The following WWOX variants were observed in gnomAD, a reference collection of about 807,000 sequenced individuals.
WWOX encodes WW domain-containing oxidoreductase.
A neutral mutation model predicts 46.2 loss-of-function variants in WWOX; 69 were observed. That is an observed-to-expected ratio of 1.49 (90% confidence interval 1.23 to 1.82). The LOEUF (loss-of-function observed/expected upper bound fraction) is 1.82. Among genes scored for constraint, WWOX ranks in the 40% most tolerant of loss-of-function variants. WWOX has a pLI of 0.00. For synonymous variants in WWOX, 359 were observed against 202.6 expected (o/e 1.77, Z -6.56); for missense variants, 919 against 542.6 (o/e 1.69, Z -6.89).
chr16:78,411,131 T>G (rs2082670745), intron 6 of WWOX, among the ~76,000 whole-genome samples: 1 of 152,164 alleles, frequency 6.6e-6, no homozygotes, highest in South Asian at 2.1e-4. Context: ...TATATTCTGT[T>G]AGTTAGAAAC....
chr16:78,881,860 T>A (rs1247705446), intron 8 of WWOX, among the ~76,000 whole-genome samples: 2 of 152,216 alleles, frequency 1.3e-5, no homozygotes, highest in Non-Finnish European at 2.9e-5. Context: ...CGGTGGCTCA[T>A]GCCTGTAATC....
chr16:78,455,492 T>G (rs547266163), intron 8 of WWOX, among the ~76,000 whole-genome samples: 3 of 151,388 alleles, frequency 2.0e-5, no homozygotes, highest in African/African-American at 7.3e-5. Context: ...AACACAAAAA[T>G]TAGCTGGGTG....
chr16:78,872,017 G>A (rs2044139754), intron 8 of WWOX, among the ~76,000 whole-genome samples: 1 of 152,200 alleles, frequency 6.6e-6, no homozygotes, highest in Admixed American at 6.5e-5. Flanking sequence ...GCCAACTGGA[G>A]AGAAATCTCT....
chr16:78,467,558 T>C (rs1046420447), intron 8 of WWOX, among the ~76,000 whole-genome samples: 1 of 152,242 alleles, frequency 6.6e-6, no homozygotes, highest in African/African-American at 2.4e-5. Flanking sequence ...GTCTCTTGAA[T>C]GGTCTTTTGT....
chr16:78,355,775 G>C (rs879149680), intron 5 of WWOX: 1 of 703,190 alleles, frequency 1.4e-6, no homozygotes. Context: ...GAATATTCCA[G>C]TGTTCTTTCT....
At chr16:78,727,112 G>C (rs964186819) in intron 8 of WWOX, among the ~76,000 whole-genome samples, 13 of 152,172 alleles carry the variant, frequency 8.5e-5, no homozygotes, top group African/African-American at 2.4e-4. Flanking sequence ...TGAAAAATGA[G>C]GCCCAGTGGG....
At chr16:78,568,095 G>T (rs1378145228) in intron 8 of WWOX, among the ~76,000 whole-genome samples, 1 of 152,164 alleles carries the variant, frequency 6.6e-6, no homozygotes, top group Non-Finnish European at 1.5e-5. Context: ...GAACGCCGTC[G>T]TAAAAATCCG....
intron 8 of WWOX, among the ~76,000 whole-genome samples, chr16:78,776,152 A>C (rs989385360): frequency 1.3e-5 from 2 of 152,198 alleles, no homozygotes; most frequent in African/African-American, 4.8e-5. Flanking sequence ...GGCTTGGGCT[A>C]AAAAAATGAT....
chr16:78,917,755 A>G (rs1169067780), intron 8 of WWOX, among the ~76,000 whole-genome samples: 2 of 152,076 alleles, frequency 1.3e-5, no homozygotes, highest in African/African-American at 4.8e-5. Context: ...ACCATATGTC[A>G]TAAGGTCTAT....
chr16:78,631,587 C>G (rs1387698382), intron 8 of WWOX, among the ~76,000 whole-genome samples: 2 of 142,870 alleles, frequency 1.4e-5, no homozygotes, highest in Non-Finnish European at 3.0e-5. Context: ...CACCCAGGGT[C>G]TAGCACAGTG....
chr16:78,600,168 A>G (rs2045587598), intron 8 of WWOX, among the ~76,000 whole-genome samples: 1 of 152,122 alleles, frequency 6.6e-6, no homozygotes, highest in Admixed American at 6.5e-5. Flanking sequence ...AGTAAAGCAC[A>G]GGAAAGACTT....
At chr16:78,362,312 A>T (rs1006365043) in intron 5 of WWOX, among the ~76,000 whole-genome samples, 2 of 152,154 alleles carry the variant, frequency 1.3e-5, no homozygotes, top group African/African-American at 2.4e-5. Context: ...GTGAAGCAGG[A>T]TAAAGAAAAA....
At chr16:78,712,724 G>A (rs1035132189) in intron 8 of WWOX, among the ~76,000 whole-genome samples, 1 of 152,056 alleles carries the variant, frequency 6.6e-6, no homozygotes, top group South Asian at 2.1e-4. Flanking sequence ...GTTTATGTTA[G>A]AGATGCATAC....
chr16:78,406,299 TATAA>T (rs1567553245), intron 6 of WWOX, among the ~76,000 whole-genome samples: 13 of 78,196 alleles, frequency 1.7e-4, no homozygotes, highest in South Asian at 1.1e-3. Flanking sequence ...AGCATATAAA[TATAA>T]ATATATATAT....
intron 8 of WWOX, among the ~76,000 whole-genome samples, chr16:78,596,594 A>AG (rs2045496887): frequency 6.6e-6 from 1 of 152,150 alleles, no homozygotes; most frequent in South Asian, 2.1e-4. Context: ...CAGCCAGCTG[A>AG]GGTAGAGGAA....
intron 8 of WWOX, among the ~76,000 whole-genome samples, chr16:79,200,560 C>G (rs185873911): frequency 6.6e-6 from 1 of 152,084 alleles, no homozygotes; most frequent in South Asian, 2.1e-4. Context: ...GGATATTGTG[C>G]GAATCAGAAG....
intron 8 of WWOX, among the ~76,000 whole-genome samples, chr16:79,148,472 T>C (rs1234528257): frequency 6.6e-6 from 1 of 152,188 alleles, no homozygotes; most frequent in Non-Finnish European, 1.5e-5. Flanking sequence ...TATAGCTATG[T>C]AGTAAGCCTC....
At chr16:79,104,063 G>A (rs1228146732) in intron 8 of WWOX, among the ~76,000 whole-genome samples, 2 of 136,562 alleles carry the variant, frequency 1.5e-5, no homozygotes, top group African/African-American at 5.3e-5. Flanking sequence ...GGTGGTGGGG[G>A]TACTTACTAA....
intron 8 of WWOX, among the ~76,000 whole-genome samples, chr16:79,055,310 T>A (rs1471549894): frequency 6.6e-6 from 1 of 152,210 alleles, no homozygotes; most frequent in Non-Finnish European, 1.5e-5. Flanking sequence ...GAATATCAAT[T>A]CTTTTCTACT....
Sources: allele counts gnomAD v4.1 joint callset (sites outside exome capture counted in the v4.1 genomes callset), GRCh38; gene constraint gnomAD v4.1.1; transcripts MANE v1.5; gene names NCBI Gene and HGNC (gene_info 2026-07-23, HGNC 2026-07-21).